TSHZ2: variants seen among roughly 807,000 people sequenced by gnomAD.
The protein encoded by TSHZ2 is teashirt homolog 2.
A neutral mutation model predicts 74.4 loss-of-function variants in TSHZ2; 21 were observed. The ratio of observed to expected loss-of-function variants is 0.28; its 90% CI spans 0.20 to 0.41. The LOEUF is 0.41. Among genes scored for constraint, TSHZ2 ranks in the 10% least tolerant of loss-of-function variants. TSHZ2 has a pLI of 1.00. For synonymous variants in TSHZ2, 540 were observed against 515.3 expected, an observed-to-expected ratio of 1.05 and a Z score of -0.65; for missense variants, 1,244 against 1,293.5, an observed-to-expected ratio of 0.96 and a Z score of 0.59.
At chr20:53,485,341 T>A (rs559125639) in intron 2 of TSHZ2, among the ~76,000 whole-genome samples, 6 of 152,370 alleles carry the variant, frequency 3.9e-5, no homozygotes, top group Admixed American at 3.3e-4. Flanking sequence ...TTTATACTGA[T>A]GCTTTCCAGT....
chr20:53,099,562 A>G (rs949893701), intron 1 of TSHZ2, among the ~76,000 whole-genome samples: 4 of 152,216 alleles, frequency 2.6e-5, no homozygotes, highest in Non-Finnish European at 5.9e-5. Flanking sequence ...GATAAAGACA[A>G]ACCCAAGACT....
intron 2 of TSHZ2, among the ~76,000 whole-genome samples, chr20:53,359,325 T>C (rs1436892173): frequency 6.6e-6 from 1 of 152,166 alleles, no homozygotes; most frequent in East Asian, 1.9e-4. Flanking sequence ...TTAGCCAAGT[T>C]ATTTAACCTC....
intron 2 of TSHZ2, among the ~76,000 whole-genome samples, chr20:53,284,185 T>C (rs368074520): frequency 6.6e-6 from 1 of 152,234 alleles, no homozygotes; most frequent in South Asian, 2.1e-4. Flanking sequence ...AGTGTGTCTG[T>C]TAAGTGTTGC....
intron 1 of TSHZ2, among the ~76,000 whole-genome samples, chr20:53,142,309 G>A (rs989050377): frequency 3.3e-5 from 5 of 152,180 alleles, no homozygotes; most frequent in Non-Finnish European, 7.3e-5. Flanking sequence ...GCCCCCAGCA[G>A]CTCCACAGGG....
In TSHZ2 at chr20:53,487,209, C is replaced by T. The variant is rs1260691401; in HGVS notation, c.*74C>T. The T allele has an allele frequency of 6.7e-6, 1 of 149,190 alleles. No homozygotes were observed. The highest frequency in any genetic ancestry group is 1.5e-5 in the Non-Finnish European group (1 of 67,722). The allele number at this position is 149,190 out of a possible 1,614,324, so 9.2% of individuals were successfully genotyped here. A position where few individuals can be genotyped will look rare whatever the true frequency, so the allele number is the denominator to read the frequency against. ...CACACTGAACCCTTCTTCGTTGCACCATCCTGCTTCTGACATTGAACTCAT... is the reference window on the plus strand; with the variant it reads ...CACACTGAACCCTTCTTCGTTGCACTATCCTGCTTCTGACATTGAACTCAT... On this transcript the variant is annotated 3_prime_UTR_variant, in exon 3 of 3. Coordinates refer to ENST00000371497, the MANE Select transcript of TSHZ2 (RefSeq NM_173485.6).
chr20:53,100,036 C>T (rs146733019), intron 1 of TSHZ2, among the ~76,000 whole-genome samples: 1 of 152,286 alleles, frequency 6.6e-6, no homozygotes, highest in African/African-American at 2.4e-5. Flanking sequence ...AGGGGCTGGG[C>T]TGAGGCCACT....
At chr20:53,269,454 G>A (rs998825662) in intron 2 of TSHZ2, among the ~76,000 whole-genome samples, 18 of 152,116 alleles carry the variant, frequency 1.2e-4, no homozygotes, top group African/African-American at 4.3e-4. Context: ...CCTGCCACCA[G>A]CCACCTTGCA....
intron 1 of TSHZ2, among the ~76,000 whole-genome samples, chr20:53,036,820 CATT>C (rs1423154715): frequency 2.0e-5 from 3 of 148,714 alleles, no homozygotes; most frequent in African/African-American, 4.9e-5. Flanking sequence ...ATATAACAAA[CATT>C]ATTTCACATA....
chr20:53,165,733 C>T (rs1359414342), intron 1 of TSHZ2, among the ~76,000 whole-genome samples: 1 of 152,190 alleles, frequency 6.6e-6, no homozygotes, highest in South Asian at 2.1e-4. Flanking sequence ...TGTCTCAGAT[C>T]CATTTCATGG....
chr20:52,978,410 A>G (rs1981428492), intron 1 of TSHZ2, among the ~76,000 whole-genome samples: 1 of 152,132 alleles, frequency 6.6e-6, no homozygotes, highest in Non-Finnish European at 1.5e-5. Flanking sequence ...CTTCCCTTCC[A>G]TCACTGTATT....
intron 2 of TSHZ2, among the ~76,000 whole-genome samples, chr20:53,387,855 T>A (rs1982104551): frequency 6.6e-6 from 1 of 152,114 alleles, no homozygotes; most frequent in Non-Finnish European, 1.5e-5. Flanking sequence ...GAGACCAGCC[T>A]GGGCAACATG....
chr20:53,292,187 T>C (rs960903438), intron 2 of TSHZ2, among the ~76,000 whole-genome samples: 1 of 152,150 alleles, frequency 6.6e-6, no homozygotes, highest in South Asian at 2.1e-4. Flanking sequence ...AGAGCATGAT[T>C]CTGTCCACAT....
intron 1 of TSHZ2, among the ~76,000 whole-genome samples, chr20:53,075,199 T>C (rs1457186873): frequency 1.3e-5 from 2 of 152,262 alleles, no homozygotes; most frequent in Non-Finnish European, 2.9e-5. Flanking sequence ...GATTGGAATC[T>C]ACTGAGTAAT....
chr20:53,420,733 A>C (rs1402031162), intron 2 of TSHZ2, among the ~76,000 whole-genome samples: 1 of 152,156 alleles, frequency 6.6e-6, no homozygotes, highest in Non-Finnish European at 1.5e-5. Flanking sequence ...ACTGCACTCT[A>C]GCCTGGGCGA....
intron 1 of TSHZ2, among the ~76,000 whole-genome samples, chr20:53,040,929 C>T (rs1408845685): frequency 6.6e-6 from 1 of 152,170 alleles, no homozygotes; most frequent in Non-Finnish European, 1.5e-5. Flanking sequence ...CCTATTCACA[C>T]AGCAGCTGCT....
intron 1 of TSHZ2, among the ~76,000 whole-genome samples, chr20:53,108,342 T>G (rs1321706359): frequency 6.6e-6 from 1 of 152,240 alleles, no homozygotes; most frequent in African/African-American, 2.4e-5. Context: ...TTCTGGATAA[T>G]GTAAGTTATG....
chr20:53,306,265 C>A (rs888406033), intron 2 of TSHZ2, among the ~76,000 whole-genome samples: 1 of 152,188 alleles, frequency 6.6e-6, no homozygotes, highest in East Asian at 1.9e-4. Context: ...CAAACACTTT[C>A]TTGGACCACC....
chr20:53,187,856 TG>T (rs974677086), intron 1 of TSHZ2, among the ~76,000 whole-genome samples: 5 of 152,032 alleles, frequency 3.3e-5, no homozygotes, highest in African/African-American at 1.2e-4. Context: ...ATCAGTAAAG[TG>T]TGGCTGTCTC....
chr20:53,044,526 G>A (rs1306023974), intron 1 of TSHZ2, among the ~76,000 whole-genome samples: 1 of 152,182 alleles, frequency 6.6e-6, no homozygotes, highest in Non-Finnish European at 1.5e-5. Context: ...ACGGCCATCA[G>A]CGTGTCAGTG....
Sources: gnomAD v4.1 joint callset for allele counts (sites outside exome capture counted in the v4.1 genomes callset) on GRCh38, gnomAD v4.1.1 for gene constraint, MANE v1.5 for transcripts, NCBI Gene and HGNC (gene_info 2026-07-23, HGNC 2026-07-21) for gene names.